UTRN: variants seen among roughly 807,000 people sequenced by gnomAD.
UTRN encodes dystrophin-related protein 1.
Under a neutral mutation model 463.9 loss-of-function variants are expected in UTRN, and 283 were observed. The ratio of observed to expected loss-of-function variants is 0.61; its 90% CI spans 0.55 to 0.67. The LOEUF (loss-of-function observed/expected upper bound fraction) is 0.67. Among genes scored for constraint, UTRN ranks in the 30% least tolerant of loss-of-function variants. The pLI is 0.00. For synonymous variants in UTRN, 1,442 were observed against 1,431.5 expected, an observed-to-expected ratio of 1.01 and a Z score of -0.17; for missense variants, 3,922 against 4,084.3, an observed-to-expected ratio of 0.96 and a Z score of 1.08.
chr6:144,730,244 T>C lies in UTRN; in HGVS notation c.7810-113T>C, dbSNP rs1586260365. 3 of 1,187,982 alleles carry C rather than the reference T, an allele frequency of 2.5e-6. No homozygotes were observed. In the East Asian group the frequency reaches 8.7e-5, roughly 34 times the overall value. 73.6% of individuals were successfully genotyped at this position (1,187,982 alleles called of 1,614,324 possible). On this transcript the variant is annotated intron_variant, in intron 53 of 74. Transcript: ENST00000367545. ...TGGCTTCTAACTTAGCTGAAATGCTTGCTATTAGTCATTTTCTTGCTAAGT... is the reference window on the plus strand; with the variant it reads ...TGGCTTCTAACTTAGCTGAAATGCTCGCTATTAGTCATTTTCTTGCTAAGT...
At chr6:144,650,445 G>T (rs1367915365) in intron 51 of UTRN, among the ~76,000 whole-genome samples, 1 of 152,312 alleles carries the variant, frequency 6.6e-6, no homozygotes, top group African/African-American at 2.4e-5. Flanking sequence ...TGTTTGAGAT[G>T]ATATGTATGA....
At chr6:144,463,030 G>A (rs572084210) in intron 23 of UTRN, among the ~76,000 whole-genome samples, 164 bp downstream of exon 23, 143 of 152,280 alleles carry the variant, frequency 9.4e-4, no homozygotes, top group African/African-American at 3.3e-3. Context: ...TAATGTGCTA[G>A]AGAGCACATT....
intron 18 of UTRN, among the ~76,000 whole-genome samples, chr6:144,453,177 C>A (rs766634773): frequency 2.0e-5 from 3 of 152,028 alleles, no homozygotes; most frequent in Non-Finnish European, 4.4e-5. Flanking sequence ...GGCTGGAGTG[C>A]AGTGGTGCAA....
chr6:144,576,013 T>C (rs1240690437), intron 50 of UTRN, among the ~76,000 whole-genome samples: 1 of 152,244 alleles, frequency 6.6e-6, no homozygotes, highest in Non-Finnish European at 1.5e-5. Flanking sequence ...TTTCACCATA[T>C]CTGGCCCTTT....
chr6:144,601,175 T>C (rs760018320), intron 51 of UTRN, among the ~76,000 whole-genome samples: 2 of 152,232 alleles, frequency 1.3e-5, no homozygotes, highest in Non-Finnish European at 2.9e-5. Context: ...ACTAACTCAG[T>C]ATCCATTCTT....
Position 144,462,765 on chromosome 6 carries a change from G to C in UTRN, c.2965G>C (p.Glu989Gln). ...TGATGTAGAAAAATTATATAAGCAA[G>C]AATTTGATGATGTGCAAGGAAAGTG... ...HPDVEKLYKQ[E>Q]FDDVQGKWNK... The change falls in exon 23 of 75, where the codon GAA becomes CAA. Residue 989 changes from glutamate to glutamine, a missense_variant. Physicochemically the swap from Glu to Gln is conservative, Grantham distance 29 (BLOSUM62 2). This residue lies in a region of UTRN where 2,349 missense variants were observed against 2,303.8 expected (regional missense o/e 1.02). Transcript: ENST00000367545. The C allele has an allele frequency of 6.2e-7, 1 of 1,611,862 alleles. No individual in the cohort carries two copies. The highest frequency in any genetic ancestry group is 8.5e-7 in the Non-Finnish European group (1 of 1,179,526).
chr6:144,603,135 A>G (rs746564228), intron 51 of UTRN, among the ~76,000 whole-genome samples: 7 of 152,048 alleles, frequency 4.6e-5, no homozygotes, highest in Non-Finnish European at 7.4e-5. Context: ...GCATATTTGT[A>G]TTTCTTTAAC....
At chr6:144,388,354 T>C (rs189763463) in intron 2 of UTRN, among the ~76,000 whole-genome samples, 8 of 152,138 alleles carry the variant, frequency 5.3e-5, no homozygotes, top group African/African-American at 1.9e-4. Context: ...TACTTTGTTG[T>C]CCCACTGGAG....
chr6:144,677,741 A>C (rs943490742), intron 51 of UTRN, among the ~76,000 whole-genome samples: 1 of 152,208 alleles, frequency 6.6e-6, no homozygotes, highest in East Asian at 1.9e-4. Flanking sequence ...ACAGTGTAAA[A>C]GCATTCCAAT....
Position 144,591,209 on chromosome 6 carries a change from C to T in UTRN, c.7479+13921C>T, listed in dbSNP as rs377661281. On this transcript the variant is annotated intron_variant, in intron 51 of 74. Coordinates refer to ENST00000367545, the MANE Select transcript of UTRN (RefSeq NM_007124.3). ...GAGAATTTTTCCAAAGGATTCATGC[C>T]CCTGCAGACTTTGACTCACTGGGGT... is the stretch of plus-strand genomic sequence containing the variant. Among the ~76,000 whole-genome samples, 10 of 152,198 alleles carry T rather than the reference C, an allele frequency of 6.6e-5. No homozygotes were observed. The South Asian group carries it at 2.1e-3, about 32-fold the overall frequency.
At chr6:144,780,927 C>T (rs1398040061) in intron 60 of UTRN, among the ~76,000 whole-genome samples, 2 of 152,204 alleles carry the variant, frequency 1.3e-5, no homozygotes, top group Non-Finnish European at 2.9e-5. Flanking sequence ...TTTTTCAAAG[C>T]CCATTTCAAA....
intron 54 of UTRN, among the ~76,000 whole-genome samples, chr6:144,747,019 A>G (rs1326608907): frequency 6.6e-6 from 1 of 152,202 alleles, no homozygotes; most frequent in Non-Finnish European, 1.5e-5. Context: ...TGGCTTTTAT[A>G]TAATATTTAA....
chr6:144,360,284 T>C (rs1421498259), intron 2 of UTRN, among the ~76,000 whole-genome samples: 1 of 151,944 alleles, frequency 6.6e-6, no homozygotes, highest in Non-Finnish European at 1.5e-5. Flanking sequence ...GGGATTCTCC[T>C]GCCTCAGCCT....
In UTRN at chr6:144,797,998, G is replaced by T; in HGVS notation, c.9245+8G>T. 6.2e-7 allele frequency: 1 copy of T among 1,613,960 alleles called. No individual in the cohort carries two copies. Among genetic ancestry groups the T allele is most frequent in the Admixed American group, 1.7e-5 (1 of 60,000 alleles). On this transcript the variant is annotated splice_region_variant and intron_variant, in intron 64 of 74. Coordinates refer to ENST00000367545, the MANE Select transcript of UTRN (RefSeq NM_007124.3). The stretch of plus-strand genomic sequence containing the variant: ...TCCAATTGTCGGGTTCAGGTAAGGC[G>T]TGCCAGTGCTGGAGGAGGCTATTTT...
chr6:144,688,206 A>G (rs572299448), intron 52 of UTRN, among the ~76,000 whole-genome samples: 43 of 152,268 alleles, frequency 2.8e-4, no homozygotes, highest in Non-Finnish European at 4.1e-4. Context: ...TTAAATATGT[A>G]TTCCATTTCC....
chr6:144,572,347 A>G (rs149287905), intron 50 of UTRN, among the ~76,000 whole-genome samples: 13 of 151,994 alleles, frequency 8.6e-5, no homozygotes, highest in Non-Finnish European at 1.5e-4. Context: ...TGTAGGAGTT[A>G]TTTTTTATAA....
At chr6:144,629,997 A>G (rs1776341136) in intron 51 of UTRN, among the ~76,000 whole-genome samples, 1 of 151,812 alleles carries the variant, frequency 6.6e-6, no homozygotes, top group Non-Finnish European at 1.5e-5. Context: ...CATCCTGGCT[A>G]ACATGGTGAA....
chr6:144,642,647 G>A (rs1777887340), intron 51 of UTRN, among the ~76,000 whole-genome samples: 1 of 152,100 alleles, frequency 6.6e-6, no homozygotes, highest in Admixed American at 6.5e-5. Context: ...AATTTGTAAT[G>A]CCTTCTTTAT....
chr6:144,691,283 A>G (rs1783381152), intron 52 of UTRN, among the ~76,000 whole-genome samples: 1 of 152,012 alleles, frequency 6.6e-6, no homozygotes, highest in Non-Finnish European at 1.5e-5. Flanking sequence ...TGCCCAGCTA[A>G]TTTTTGTATT....
Sources: allele counts gnomAD v4.1 joint callset (sites outside exome capture counted in the v4.1 genomes callset), GRCh38; gene constraint gnomAD v4.1.1; regional missense constraint gnomAD v4.1.1; transcripts MANE v1.5; gene names NCBI Gene and HGNC (gene_info 2026-07-23, HGNC 2026-07-21).